The following CAMK1D variants were observed in gnomAD, a reference collection of about 807,000 sequenced individuals.
The protein encoded by CAMK1D is calcium/calmodulin dependent protein kinase ID.
Under a neutral mutation model 47.7 loss-of-function variants are expected in CAMK1D, and 9 were observed. The ratio of observed to expected loss-of-function variants is 0.19; its 90% CI spans 0.11 to 0.33. The LOEUF is 0.33. CAMK1D is among the 10% of genes least tolerant of loss of function. The pLI is 1.00. For missense variants in CAMK1D, 291 were observed against 488.7 expected, an observed-to-expected ratio of 0.60 and a Z score of 3.81; for synonymous variants, 184 against 184.9, an observed-to-expected ratio of 0.99 and a Z score of 0.04.
At chr10:12,473,883 G>T (rs1011933143) in intron 1 of CAMK1D, among the ~76,000 whole-genome samples, 15 of 152,204 alleles carry the variant, frequency 9.9e-5, no homozygotes, top group Non-Finnish European at 2.9e-5. Flanking sequence ...TGCAGTTTTT[G>T]TAGGGGATTC....
At chr10:12,353,468 T>C (rs1007660865) in intron 1 of CAMK1D, among the ~76,000 whole-genome samples, 1 of 152,184 alleles carries the variant, frequency 6.6e-6, no homozygotes, top group Non-Finnish European at 1.5e-5. Context: ...GCCGAGCATT[T>C]ACTGTTGGAA....
chr10:12,834,445 T>C lies in CAMK1D; in HGVS notation c.*5558T>C, dbSNP rs1833471906. 6.6e-6 allele frequency: 1 copy of C among 152,092 alleles called. No individual in the cohort carries two copies. The highest frequency in any genetic ancestry group is 1.5e-5 in the Non-Finnish European group (1 of 68,034). 9.4% of individuals were successfully genotyped at this position (152,092 alleles called of 1,614,324 possible). On this transcript the variant is annotated 3_prime_UTR_variant, in exon 11 of 11. Transcript: ENST00000619168. The stretch of plus-strand genomic sequence containing the variant: ...TGCAAACCCAAAAAGGCTGTGCATT[T>C]GGAAGCCAAACGCTCAGCATGCGGC...
chr10:12,654,293 G>A (rs568524160), intron 2 of CAMK1D, among the ~76,000 whole-genome samples: 2 of 152,308 alleles, frequency 1.3e-5, no homozygotes, highest in African/African-American at 2.4e-5. Flanking sequence ...AGCTTTCTGA[G>A]ATTTCCCTTT....
chr10:12,478,877 G>A (rs1178175518), intron 1 of CAMK1D, among the ~76,000 whole-genome samples: 2 of 152,190 alleles, frequency 1.3e-5, no homozygotes, highest in Admixed American at 6.5e-5. Context: ...CTGTTCTGCT[G>A]ACATGAATGA....
chr10:12,713,429 C>G (rs1463200934), intron 3 of CAMK1D, among the ~76,000 whole-genome samples: 1 of 152,118 alleles, frequency 6.6e-6, no homozygotes. Flanking sequence ...CCCACGAATT[C>G]CAGGGGTGCC....
intron 1 of CAMK1D, among the ~76,000 whole-genome samples, chr10:12,434,735 T>C (rs1832578685): frequency 6.6e-6 from 1 of 152,244 alleles, no homozygotes; most frequent in Non-Finnish European, 1.5e-5. Flanking sequence ...ACACATTTGA[T>C]GTTCACCGGG....
intron 2 of CAMK1D, among the ~76,000 whole-genome samples, chr10:12,602,241 T>C (rs1564438761): frequency 6.6e-6 from 1 of 152,224 alleles, no homozygotes. Flanking sequence ...TGTTTATTCA[T>C]TTTTGTAGAG....
chr10:12,463,325 A>G (rs1374123543), intron 1 of CAMK1D, among the ~76,000 whole-genome samples: 1 of 152,124 alleles, frequency 6.6e-6, no homozygotes, highest in African/African-American at 2.4e-5. Flanking sequence ...TTTAGTAGAG[A>G]CGGGGTTTCA....
intron 3 of CAMK1D, among the ~76,000 whole-genome samples, chr10:12,682,484 G>A (rs894738455): frequency 1.3e-5 from 2 of 152,118 alleles, no homozygotes; most frequent in African/African-American, 4.8e-5. Flanking sequence ...ATATTTTGAA[G>A]GCTGAACTAC....
At chr10:12,647,003 T>C (rs10906193) in intron 2 of CAMK1D, among the ~76,000 whole-genome samples, 92,739 of 151,440 alleles carry the variant, frequency 0.61, 28,599 homozygotes, top group East Asian at 0.72. Flanking sequence ...CCACCTCGCC[T>C]GGCTAATTTT....
In CAMK1D at chr10:12,694,241, T is replaced by TATTATACATAATATAA. The variant is rs1554811674; in HGVS notation, c.299+27432_299+27433insTTATACATAATATAAA. Among the ~76,000 whole-genome samples the TATTATACATAATATAA allele has an allele frequency of 3.5e-4, 6 of 17,208 alleles. 3 individuals are homozygous for TATTATACATAATATAA. Among genetic ancestry groups the TATTATACATAATATAA allele is most frequent in the African/African-American group, 5.1e-4 (2 of 3,956 alleles). The allele number at this position is 17,208 out of a possible 152,430, so 11.3% of individuals were successfully genotyped here. A position where few individuals can be genotyped will look rare whatever the true frequency, so the allele number is the denominator to read the frequency against. On this transcript the variant is annotated intron_variant, in intron 3 of 10. Transcript: ENST00000619168. ...TAAAATATATATTATGTATAATATA[T>TATTATACATAATATAA]AATATATATTATGTATAATATATAA...
At chr10:12,730,508 G>A (rs2130810284) in intron 3 of CAMK1D, among the ~76,000 whole-genome samples, 1 of 152,288 alleles carries the variant, frequency 6.6e-6, no homozygotes, top group African/African-American at 2.4e-5. Flanking sequence ...GATACACATT[G>A]GGGGTGGAGG....
At chr10:12,544,038 T>C (rs1836281948) in intron 1 of CAMK1D, among the ~76,000 whole-genome samples, 1 of 152,212 alleles carries the variant, frequency 6.6e-6, no homozygotes, top group South Asian at 2.1e-4. Context: ...AAAGATTATT[T>C]CCTCGCAGGC....
chr10:12,397,933 C>T (rs955925233), intron 1 of CAMK1D, among the ~76,000 whole-genome samples: 3 of 152,154 alleles, frequency 2.0e-5, no homozygotes, highest in East Asian at 1.9e-4. Context: ...GGGCCCAACT[C>T]GGCTTTTTAT....
chr10:12,485,706 G>C (rs1031699242), intron 1 of CAMK1D, among the ~76,000 whole-genome samples: 1 of 152,300 alleles, frequency 6.6e-6, no homozygotes, highest in South Asian at 2.1e-4. Context: ...ACGTTTTCTC[G>C]AGGAGTCATG....
At chr10:12,693,360 A>G (rs1833008162) in intron 3 of CAMK1D, among the ~76,000 whole-genome samples, 1 of 151,970 alleles carries the variant, frequency 6.6e-6, no homozygotes, top group Non-Finnish European at 1.5e-5. Flanking sequence ...GCGAGACTCC[A>G]TCTCTAAAAA....
chr10:12,387,440 ATATTT>A (rs1203920448), intron 1 of CAMK1D, among the ~76,000 whole-genome samples: 35 of 50,742 alleles, frequency 6.9e-4, no homozygotes, highest in Admixed American at 1.4e-3. Context: ...TATATTATAT[ATATTT>A]TATATATATA....
At chr10:12,423,791 A>T (rs1449001252) in intron 1 of CAMK1D, among the ~76,000 whole-genome samples, 1 of 152,216 alleles carries the variant, frequency 6.6e-6, no homozygotes, top group African/African-American at 2.4e-5. Flanking sequence ...AGCCTGACTA[A>T]GTTGGTTGTT....
chr10:12,774,135 C>G (rs763187932), intron 5 of CAMK1D, among the ~76,000 whole-genome samples: 21 of 152,120 alleles, frequency 1.4e-4, no homozygotes, highest in Admixed American at 3.9e-4. Flanking sequence ...CCTAGTGGCA[C>G]TTACATCTGA....
Sources: allele counts gnomAD v4.1 joint callset (sites outside exome capture counted in the v4.1 genomes callset), GRCh38; gene constraint gnomAD v4.1.1; transcripts MANE v1.5; gene names NCBI Gene and HGNC (gene_info 2026-07-23, HGNC 2026-07-21).